VSTM4: variants seen among roughly 807,000 people sequenced by gnomAD.
The protein encoded by VSTM4 is V-set and transmembrane domain-containing protein 4.
VSTM4 carries 20 observed loss-of-function variants against 36.4 expected under a neutral mutation model. That is an observed-to-expected ratio of 0.55 (90% CI 0.39 to 0.80). The LOEUF is 0.80. Among genes scored for constraint, VSTM4 ranks in the 30% least tolerant of loss-of-function variants. The probability of loss-of-function intolerance (pLI) is 0.00; values close to 1 mark genes in which losing one functional copy is unlikely to be tolerated. For synonymous variants in VSTM4, 182 were observed against 173.9 expected (o/e 1.05, Z -0.37); for missense variants, 392 against 404.5 (o/e 0.97, Z 0.26).
At chr10:49,070,488 CTGAGCAGCTGG>C (rs1260093929) in intron 4 of VSTM4, among the ~76,000 whole-genome samples, 1 of 152,118 alleles carries the variant, frequency 6.6e-6, no homozygotes, top group Non-Finnish European at 1.5e-5. Flanking sequence ...CTTCACTTGT[CTGAGCAGCTGG>C]GCTGCCAGTG....
At chr10:49,020,713 G>A (rs2131927835) in intron 7 of VSTM4, among the ~76,000 whole-genome samples, 1 of 41,564 alleles carries the variant, frequency 2.4e-5, no homozygotes, top group South Asian at 8.0e-4. Context: ...AGGGAAGAAG[G>A]AAGGAAGGAA....
rs145977743 is a variant in VSTM4 at position 49,083,436 on chromosome 10, C to T, written c.526+2519G>A. Among the ~76,000 whole-genome samples the T allele has an allele frequency of 1.8e-4, 28 of 152,280 alleles. No homozygotes were observed. The East Asian group carries it at 5.0e-3, about 27-fold the overall frequency. ...AAAGGGCAAAAGGCCTGGGATCATG[C>T]GCCAGGGAGTTTCAACTGTACCTCT... On this transcript the variant is annotated intron_variant, in intron 3 of 7. Coordinates refer to ENST00000332853, the MANE Select transcript of VSTM4 (RefSeq NM_001031746.5).
chr10:49,097,977 C>T (rs10857434), intron 2 of VSTM4, among the ~76,000 whole-genome samples: 30,493 of 152,102 alleles, frequency 0.2, 3,231 homozygotes, highest in African/African-American at 0.23. Context: ...TTTGGGAATC[C>T]CAACACTAGG....
chr10:49,040,799 G>A (rs536771141), intron 7 of VSTM4, among the ~76,000 whole-genome samples: 2 of 152,242 alleles, frequency 1.3e-5, no homozygotes, highest in South Asian at 2.1e-4. Flanking sequence ...CACAATAGGC[G>A]CCCAATAAAT....
intron 3 of VSTM4, among the ~76,000 whole-genome samples, chr10:49,083,849 A>T (rs1166326907): frequency 2.0e-5 from 3 of 152,214 alleles, no homozygotes; most frequent in Admixed American, 6.5e-5. Flanking sequence ...TGGTCCTCAG[A>T]CCACTTGCAT....
intron 7 of VSTM4, among the ~76,000 whole-genome samples, chr10:49,032,495 G>A (rs569869696): frequency 2.0e-5 from 3 of 152,326 alleles, no homozygotes; most frequent in African/African-American, 7.2e-5. Context: ...AGGTGCCAAT[G>A]TATGTGCCCC....
At chr10:49,064,809 G>A in intron 4 of VSTM4, 73 bp from the exon 5 acceptor site, 1 of 1,508,906 alleles carries the variant, frequency 6.6e-7, no homozygotes, top group Non-Finnish European at 9.1e-7. Flanking sequence ...GAATTACAAG[G>A]AAATGCCGGG....
At chr10:49,069,761 G>T (rs1844040172) in intron 4 of VSTM4, among the ~76,000 whole-genome samples, 1 of 152,118 alleles carries the variant, frequency 6.6e-6, no homozygotes, top group African/African-American at 2.4e-5. Context: ...TGCCCCTTTG[G>T]CACAAAAAGC....
chr10:49,039,982 CAAGGCTTCCGAAGCT>C (rs1843494467), intron 7 of VSTM4, among the ~76,000 whole-genome samples: 1 of 152,186 alleles, frequency 6.6e-6, no homozygotes, highest in Non-Finnish European at 1.5e-5. Flanking sequence ...GAATCAGCTC[CAAGGCTTCCGAAGCT>C]TTGCTGCAGG....
chr10:49,054,220 G>A (rs1301815858), intron 5 of VSTM4, among the ~76,000 whole-genome samples: 1 of 152,200 alleles, frequency 6.6e-6, no homozygotes, highest in Non-Finnish European at 1.5e-5. Context: ...AAGAACACTG[G>A]AACAGGAACA....
intron 2 of VSTM4, among the ~76,000 whole-genome samples, chr10:49,093,196 C>G (rs1251375890): frequency 6.6e-6 from 1 of 152,132 alleles, no homozygotes; most frequent in African/African-American, 2.4e-5. Context: ...AATAAGAGAG[C>G]ACCCCATAAC....
chr10:49,093,013 G>C (rs955661264), intron 2 of VSTM4, among the ~76,000 whole-genome samples: 1 of 152,104 alleles, frequency 6.6e-6, no homozygotes, highest in African/African-American at 2.4e-5. Flanking sequence ...CTCCCCCATT[G>C]ACTGGGAGCT....
At chr10:49,083,449 C>T (rs1329786269) in intron 3 of VSTM4, among the ~76,000 whole-genome samples, 1 of 152,200 alleles carries the variant, frequency 6.6e-6, no homozygotes, top group Non-Finnish European at 1.5e-5. Flanking sequence ...CAGGGAGTTT[C>T]AACTGTACCT....
At position 49,087,659 on chromosome 10, in the gene VSTM4, C is replaced by T. The variant is rs941853540; in HGVS notation, c.458-1636G>A. On this transcript the variant is annotated intron_variant, in intron 2 of 7. Transcript: ENST00000332853. ...TCCTGGGGTATTTACCACAACCTCC[C>T]AATTTTTATCTCACTGTTAGAACTG... Among the ~76,000 whole-genome samples, 4 of 152,196 alleles carry T rather than the reference C, an allele frequency of 2.6e-5. No homozygotes were observed. In the South Asian group the frequency reaches 8.3e-4, roughly 32 times the overall value.
At chr10:49,033,410 A>G (rs1590072530) in intron 7 of VSTM4, among the ~76,000 whole-genome samples, 1 of 150,192 alleles carries the variant, frequency 6.7e-6, no homozygotes, top group East Asian at 2.0e-4. Context: ...TATTGGGAAT[A>G]TATAATAAAT....
At chr10:49,059,010 C>T (rs112603265) in intron 5 of VSTM4, among the ~76,000 whole-genome samples, 1,546 of 152,270 alleles carry the variant, frequency 0.01, 16 homozygotes, top group African/African-American at 0.028. Context: ...ACAACAGGGA[C>T]GGGAGGAACT....
rs993141552 is a variant in VSTM4 at position 49,092,478 on chromosome 10, G to A, written c.458-6455C>T. 2.6e-5 allele frequency among the ~76,000 whole-genome samples: 4 copies of A among 152,162 alleles called. No individual in the cohort carries two copies. The East Asian group carries it at 5.8e-4, about 22-fold the overall frequency. On this transcript the variant is annotated intron_variant, in intron 2 of 7. Coordinates refer to ENST00000332853, the MANE Select transcript of VSTM4 (RefSeq NM_001031746.5). ...ACCAATGCCTCTTCTATTTAATCTA[G>A]GGAAAACAAGAGTAATAAGGATAAG... is the stretch of plus-strand genomic sequence containing the variant.
chr10:49,086,285 T>C (rs530067585), intron 2 of VSTM4, among the ~76,000 whole-genome samples: 12 of 152,318 alleles, frequency 7.9e-5, no homozygotes, highest in Middle Eastern at 3.4e-3. Context: ...ACTTGCCCCA[T>C]AGACTTGAAA....
intron 3 of VSTM4, among the ~76,000 whole-genome samples, chr10:49,079,479 C>A (rs1397110738): frequency 6.6e-6 from 1 of 152,224 alleles, no homozygotes; most frequent in Non-Finnish European, 1.5e-5. Context: ...ATTATTCTAA[C>A]CATCTTTGAA....
Sources: gnomAD v4.1 joint callset for allele counts (sites outside exome capture counted in the v4.1 genomes callset) on GRCh38, gnomAD v4.1.1 for gene constraint, MANE v1.5 for transcripts, NCBI Gene and HGNC (gene_info 2026-07-23, HGNC 2026-07-21) for gene names.